GRID2: variants seen among roughly 807,000 people sequenced by gnomAD.
The protein encoded by GRID2 is glutamate ionotropic receptor delta type subunit 2.
A neutral mutation model predicts 114.8 loss-of-function variants in GRID2; 33 were observed. The ratio of observed to expected loss-of-function variants is 0.29; its 90% confidence interval spans 0.22 to 0.38. GRID2 has a LOEUF of 0.38. Among genes scored for constraint, GRID2 ranks in the 10% least tolerant of loss-of-function variants. The pLI is 1.00. For missense variants in GRID2, 1,184 were observed against 1,257.7 expected (o/e 0.94, Z 0.89); for synonymous variants, 505 against 449.9 (o/e 1.12, Z -1.55).
intron 13 of GRID2, among the ~76,000 whole-genome samples, chr4:93,578,611 T>TG (rs1736662589): frequency 2.3e-4 from 30 of 130,002 alleles, no homozygotes; most frequent in African/African-American, 7.1e-4. Flanking sequence ...TTTTTTTTTT[T>TG]GAGTTGGAGT....
At chr4:93,161,681 A>T (rs1302125977) in intron 4 of GRID2, among the ~76,000 whole-genome samples, 1 of 151,848 alleles carries the variant, frequency 6.6e-6, no homozygotes, top group East Asian at 1.9e-4. Context: ...CAATTTTAAA[A>T]ATGTGTAAAT....
intron 4 of GRID2, among the ~76,000 whole-genome samples, chr4:93,123,386 A>G (rs1733973270): frequency 6.6e-6 from 1 of 152,206 alleles, no homozygotes; most frequent in South Asian, 2.1e-4. Context: ...TTTTAAATAT[A>G]AAATCACAGT....
intron 13 of GRID2, among the ~76,000 whole-genome samples, chr4:93,596,719 TTAA>T (rs1338965417): frequency 6.6e-6 from 1 of 152,260 alleles, no homozygotes; most frequent in African/African-American, 2.4e-5. Flanking sequence ...AATGTTTTGA[TTAA>T]TAAGTGTCTG....
intron 9 of GRID2, among the ~76,000 whole-genome samples, chr4:93,398,749 G>GTTT (rs35307252): frequency 8.6e-6 from 1 of 116,098 alleles, no homozygotes; most frequent in Non-Finnish European, 1.9e-5. Context: ...TGGAAGCAGT[G>GTTT]TTTTTTTTTT....
rs569577136 is a variant in GRID2, at chr4:93,492,641, T to A, written c.1997+1864T>A. ...AGGCATGTAGGCATATATCCCAACA[T>A]GAGTTAATTATGTCTATAATTGGTA... is the stretch of plus-strand genomic sequence containing the variant. On this transcript the variant is annotated intron_variant, in intron 12 of 15. Coordinates refer to ENST00000282020, the MANE Select transcript of GRID2 (RefSeq NM_001510.4). 2.0e-5 allele frequency among the ~76,000 whole-genome samples: 3 copies of A among 151,974 alleles called. No homozygotes were observed. In the East Asian group the frequency reaches 5.8e-4, roughly 30 times the overall value.
intron 1 of GRID2, among the ~76,000 whole-genome samples, chr4:92,499,760 AC>A (rs1352389003): frequency 6.6e-6 from 1 of 152,070 alleles, no homozygotes; most frequent in Non-Finnish European, 1.5e-5. Context: ...AATTACAGGG[AC>A]GCACCACCAT....
chr4:92,925,869 A>G (rs1749768095), intron 2 of GRID2, among the ~76,000 whole-genome samples: 1 of 152,018 alleles, frequency 6.6e-6, no homozygotes, highest in Non-Finnish European at 1.5e-5. Context: ...CATTAATTTC[A>G]CTAGCACAGG....
intron 2 of GRID2, among the ~76,000 whole-genome samples, chr4:93,065,495 C>G (rs1025849344): frequency 6.6e-6 from 1 of 151,862 alleles, no homozygotes. Context: ...CCAGTCATAA[C>G]TTATGTGTAG....
chr4:92,593,018 G>C (rs1274294038), intron 2 of GRID2, among the ~76,000 whole-genome samples: 1 of 151,958 alleles, frequency 6.6e-6, no homozygotes, highest in Non-Finnish European at 1.5e-5. Flanking sequence ...CTTGTATTGA[G>C]AGGGACTAAC....
chr4:92,771,375 G>A (rs1381611039), intron 2 of GRID2, among the ~76,000 whole-genome samples: 1 of 152,072 alleles, frequency 6.6e-6, no homozygotes, highest in Non-Finnish European at 1.5e-5. Context: ...TTTTTCACAT[G>A]TGACTCCCTA....
intron 2 of GRID2, among the ~76,000 whole-genome samples, chr4:92,729,836 C>A (rs1304814544): frequency 6.6e-6 from 1 of 151,778 alleles, no homozygotes; most frequent in Non-Finnish European, 1.5e-5. Context: ...AAAAAATCCT[C>A]TTTATAGTAG....
intron 1 of GRID2, among the ~76,000 whole-genome samples, chr4:92,500,166 CT>C (rs571822062): frequency 5.3e-5 from 8 of 151,104 alleles, no homozygotes; most frequent in Admixed American, 2.6e-4. Flanking sequence ...ACCTGTGTTT[CT>C]TTTTTTTTAA....
At chr4:93,259,788 C>T (rs1750048696) in intron 8 of GRID2, among the ~76,000 whole-genome samples, 1 of 151,740 alleles carries the variant, frequency 6.6e-6, no homozygotes. Context: ...TATCATCATT[C>T]ACCTTGGTTT....
At chr4:92,998,720 T>G (rs1235223519) in intron 2 of GRID2, among the ~76,000 whole-genome samples, 1 of 151,758 alleles carries the variant, frequency 6.6e-6, no homozygotes, top group East Asian at 1.9e-4. Flanking sequence ...GACTATAGAA[T>G]CATTAAGAAT....
At chr4:93,380,588 A>G (rs919940536) in intron 8 of GRID2, among the ~76,000 whole-genome samples, 1 of 151,836 alleles carries the variant, frequency 6.6e-6, no homozygotes, top group African/African-American at 2.4e-5. Context: ...CAGTTGGGAA[A>G]CATTTTGCAT....
At chr4:92,408,986 G>A (rs966565800) in intron 1 of GRID2, among the ~76,000 whole-genome samples, 11 of 151,958 alleles carry the variant, frequency 7.2e-5, no homozygotes, top group African/African-American at 2.7e-4. Flanking sequence ...GATTGTTCCT[G>A]CTAGGACTTC....
intron 2 of GRID2, among the ~76,000 whole-genome samples, chr4:92,630,947 G>T (rs981740566): frequency 6.6e-6 from 1 of 151,492 alleles, no homozygotes; most frequent in Non-Finnish European, 1.5e-5. Context: ...CTGTATAAAG[G>T]GTTATCATAT....
At chr4:93,227,148 T>G (rs2149495107) in intron 7 of GRID2, among the ~76,000 whole-genome samples, 1 of 152,312 alleles carries the variant, frequency 6.6e-6, no homozygotes, top group African/African-American at 2.4e-5. Flanking sequence ...CCTATTGTCC[T>G]GATAAATAGC....
At chr4:93,230,372 G>T (rs1004514384) in intron 7 of GRID2, among the ~76,000 whole-genome samples, 1 of 151,836 alleles carries the variant, frequency 6.6e-6, no homozygotes, top group Non-Finnish European at 1.5e-5. Context: ...AATACTTTAC[G>T]TATTGGCATA....
Sources: gnomAD v4.1 joint callset for allele counts (sites outside exome capture counted in the v4.1 genomes callset) on GRCh38, gnomAD v4.1.1 for gene constraint, MANE v1.5 for transcripts, NCBI Gene and HGNC (gene_info 2026-07-23, HGNC 2026-07-21) for gene names.